The following CRYBG1 variants were observed in gnomAD, a reference collection of about 807,000 sequenced individuals.
CRYBG1 encodes crystallin beta-gamma domain containing 1.
Under a neutral mutation model 189.2 loss-of-function variants are expected in CRYBG1, and 139 were observed. The ratio of observed to expected loss-of-function variants is 0.73; its 90% CI spans 0.64 to 0.85. CRYBG1 has a LOEUF of 0.85. Among genes scored for constraint, CRYBG1 ranks in the 40% least tolerant of loss-of-function variants. CRYBG1 has a pLI of 0.00. For missense variants in CRYBG1, 2,611 were observed against 2,675.8 expected (o/e 0.98, Z 0.53); for synonymous variants, 1,023 against 1,017.1 (o/e 1.01, Z -0.11).
At chr6:106,558,419 G>A in intron 17 of CRYBG1, 67 bp from the exon 18 acceptor site, 1 of 1,349,964 alleles carries the variant, frequency 7.4e-7, no homozygotes, top group Non-Finnish European at 1.0e-6. Context: ...GTAACAAGAT[G>A]ATTTTCACAT....
intron 1 of CRYBG1, among the ~76,000 whole-genome samples, chr6:106,431,846 A>T (rs1161672460): frequency 6.6e-6 from 1 of 152,014 alleles, no homozygotes; most frequent in Admixed American, 6.6e-5. Context: ...ATCAAGGCTA[A>T]CATCTCATAT....
chr6:106,513,473 C>T (rs1773348200), intron 3 of CRYBG1, among the ~76,000 whole-genome samples: 1 of 152,232 alleles, frequency 6.6e-6, no homozygotes, highest in Non-Finnish European at 1.5e-5. Flanking sequence ...GTAGCTTTGA[C>T]ATGTGTGAGT....
In CRYBG1 at chr6:106,521,086, C is replaced by A. The variant is rs778938706; in HGVS notation, c.3878C>A (p.Pro1293His). 2.5e-6 allele frequency: 4 copies of A among 1,614,076 alleles called. No homozygotes were observed. In the Admixed American group the frequency reaches 6.7e-5, roughly 27 times the overall value. The change falls in exon 4 of 22, where the codon CCC (proline) becomes CAC (histidine). Residue 1293 changes from proline to histidine, a missense_variant. By Grantham distance (77) the Pro-to-His change is moderately conservative. Coordinates refer to ENST00000633556, the MANE Select transcript of CRYBG1 (RefSeq NM_001371242.2). ...CAGCCCACGACTGAGGGTGCCCCGC[C>A]CTGTGGTTTGAACAAAGAACAGTCA... is the stretch of plus-strand genomic sequence containing the variant. ...VSQPTTEGAP[P>H]CGLNKEQSNL...
At chr6:106,450,013 TCA>T (rs1771747295) in intron 1 of CRYBG1, among the ~76,000 whole-genome samples, 2 of 152,048 alleles carry the variant, frequency 1.3e-5, no homozygotes, top group Non-Finnish European at 2.9e-5. Flanking sequence ...TCACTTAAGG[TCA>T]GGAGTTCGAG....
intron 2 of CRYBG1, among the ~76,000 whole-genome samples, chr6:106,467,446 TGG>T (rs1205688801): frequency 6.6e-6 from 1 of 151,872 alleles, no homozygotes; most frequent in African/African-American, 2.4e-5. Flanking sequence ...CACTCCAGCC[TGG>T]GCAACAGAGT....
rs560839992 is a variant in CRYBG1 at position 106,496,451 on chromosome 6, T to C, written c.313-14979T>C. On this transcript the variant is annotated intron_variant, in intron 2 of 21. Coordinates refer to ENST00000633556, the MANE Select transcript of CRYBG1 (RefSeq NM_001371242.2). The stretch of plus-strand genomic sequence containing the variant: ...AAGGTATAAGCTCTTCATCTTCCCC[T>C]AGAAATCGTAACAGAATTAATACCT... Among the ~76,000 whole-genome samples the C allele has an allele frequency of 3.3e-5, 5 of 152,322 alleles. No homozygotes were observed. In the East Asian group the frequency reaches 9.6e-4, roughly 29 times the overall value.
In CRYBG1 at chr6:106,563,871, G is replaced by T; in HGVS notation, c.6246G>T (p.Lys2082Asn). 6.2e-7 allele frequency: 1 copy of T among 1,613,608 alleles called. No individual in the cohort carries two copies. Among genetic ancestry groups the T allele is most frequent in the Admixed American group, 1.7e-5 (1 of 60,018 alleles). Residue 2082 changes from lysine (K) to asparagine (N), a missense_variant, in exon 21 of 22, where the codon AAG (lysine) becomes AAT (asparagine). Around this residue, in one of 3 missense-constraint regions of CRYBG1, gnomAD observed 1,622 missense variants for 1,735.0 expected, o/e 0.93. Coordinates refer to ENST00000633556, the MANE Select transcript of CRYBG1 (RefSeq NM_001371242.2). ...QNADSQFWSL[K>N]SDGRIYSKLK... ...CTGACAGCCAGTTCTGGAGCTTGAA[G>T]TCCGATGGCAGGATTTACAGCAAGT...
At chr6:106,554,274 G>A (rs1676016) in intron 16 of CRYBG1, among the ~76,000 whole-genome samples, 124,939 of 152,172 alleles carry the variant, frequency 0.82, 52,126 homozygotes, top group Non-Finnish European at 0.89. Context: ...ATGCTATCCT[G>A]TCCTTTAGTA....
chr6:106,467,233 CAGGA>C (rs1185071310), intron 2 of CRYBG1, among the ~76,000 whole-genome samples: 11 of 152,122 alleles, frequency 7.2e-5, no homozygotes, highest in Non-Finnish European at 8.8e-5. Flanking sequence ...GAGGCTGAGG[CAGGA>C]GAATTGCTTG....
chr6:106,425,794 G>A (rs2114395952), intron 1 of CRYBG1, among the ~76,000 whole-genome samples: 1 of 152,092 alleles, frequency 6.6e-6, no homozygotes, highest in African/African-American at 2.4e-5. Context: ...ACCACACCTG[G>A]CTACTGGCTA....
intron 21 of CRYBG1, among the ~76,000 whole-genome samples, chr6:106,566,116 G>A (rs1027791503): frequency 2.6e-5 from 4 of 151,018 alleles, no homozygotes; most frequent in African/African-American, 9.8e-5. Flanking sequence ...TGTATTCACG[G>A]GGTACACACT....
Position 106,481,226 on chromosome 6 carries a change from G to A in CRYBG1, c.312+29394G>A, listed in dbSNP as rs902597265. ...CTTGACCTCGTGATCCGCCCGCCTC[G>A]GCCTCCCAAAGTGCTGGGATTACAG... On this transcript the variant is annotated intron_variant, in intron 2 of 21. Coordinates refer to ENST00000633556, the MANE Select transcript of CRYBG1 (RefSeq NM_001371242.2). Among the ~76,000 whole-genome samples, 4 of 139,894 alleles carry A rather than the reference G, an allele frequency of 2.9e-5. 1 individual carries two copies. The highest frequency in any genetic ancestry group is 6.1e-5 in the Non-Finnish European group (4 of 65,564). The allele number at this position is 139,894 out of a possible 152,430, so 91.8% of individuals were successfully genotyped here.
intron 2 of CRYBG1, among the ~76,000 whole-genome samples, chr6:106,461,319 A>G (rs6908055): frequency 0.12 from 18,551 of 152,128 alleles, 1,467 homozygotes; most frequent in South Asian, 0.27. Context: ...GGCAAATACA[A>G]AGCTTTATAT....
intron 1 of CRYBG1, among the ~76,000 whole-genome samples, chr6:106,448,206 C>T (rs1294359163): frequency 1.3e-5 from 2 of 152,190 alleles, no homozygotes; most frequent in African/African-American, 2.4e-5. Flanking sequence ...GAAATCATGG[C>T]GTCCATGGCC....
At position 106,520,748 on chromosome 6, in the gene CRYBG1, C is replaced by A. The variant is rs1773582978; in HGVS notation, c.3540C>A (p.Asn1180Lys). The change falls in exon 4 of 22, where the codon AAC becomes AAA. Residue 1180 changes from asparagine (N) to lysine (K), a missense_variant. Physicochemically the swap from Asn to Lys is moderately conservative, Grantham distance 94 (BLOSUM62 0). Around this residue, in one of 3 missense-constraint regions of CRYBG1, gnomAD observed 1,622 missense variants for 1,735.0 expected, o/e 0.93. Coordinates refer to ENST00000633556, the MANE Select transcript of CRYBG1 (RefSeq NM_001371242.2). ...CACCGGCTTTACATTTGATGCAGAACCTTGACACAAAATCCAAACTGAGAC... is the reference window on the plus strand; with the variant it reads ...CACCGGCTTTACATTTGATGCAGAAACTTGACACAAAATCCAAACTGAGAC... ...EMSPALHLMQ[N>K]LDTKSKLRPK... is the part of the protein sequence containing the mutation. The A allele has an allele frequency of 6.2e-7, 1 of 1,614,126 alleles. No individual in the cohort carries two copies.
intron 2 of CRYBG1, among the ~76,000 whole-genome samples, chr6:106,452,246 A>G (rs1445259658): frequency 0.026 from 1,940 of 74,114 alleles, 48 homozygotes; most frequent in African/African-American, 0.064. Flanking sequence ...GACTCTACTA[A>G]AAAAAAAAAA....
At chr6:106,542,806 G>T (rs1425432642) in intron 10 of CRYBG1, among the ~76,000 whole-genome samples, 1 of 143,336 alleles carries the variant, frequency 7.0e-6, no homozygotes, top group Non-Finnish European at 1.5e-5. Flanking sequence ...GCATCACTAT[G>T]CCCAGCTAAT....
Position 106,511,466 on chromosome 6 carries a change from C to G in CRYBG1, c.349C>G (p.Pro117Ala). The stretch of plus-strand genomic sequence containing the variant: ...ACCTCCAGAAGACAACAGAAGGAAG[C>G]CAGTTTTGGGGAAACTTGGCACTCT... The part of the protein sequence containing the change: ...AQPPEDNRRK[P>A]VLGKLGTLFT... Residue 117 changes from proline to alanine, a missense_variant, in exon 3 of 22, where the codon CCA becomes GCA. Coordinates refer to ENST00000633556, the MANE Select transcript of CRYBG1 (RefSeq NM_001371242.2). The G allele has an allele frequency of 6.5e-7, 1 of 1,535,826 alleles. No individual in the cohort carries two copies. Among genetic ancestry groups the G allele is most frequent in the Non-Finnish European group, 8.7e-7 (1 of 1,146,700 alleles).
chr6:106,521,520 C>A, intron 4 of CRYBG1, 67 bp downstream of exon 4: 1 of 1,435,064 alleles, frequency 7.0e-7, no homozygotes, highest in Non-Finnish European at 9.4e-7. Context: ...GGATGATGAG[C>A]AACTCATGTT....
Sources: allele counts gnomAD v4.1 joint callset (sites outside exome capture counted in the v4.1 genomes callset), GRCh38; gene constraint gnomAD v4.1.1; regional missense constraint gnomAD v4.1.1; transcripts MANE v1.5; gene names NCBI Gene and HGNC (gene_info 2026-07-23, HGNC 2026-07-21).